ZNF438: variants seen among roughly 807,000 people sequenced by gnomAD.
The protein encoded by ZNF438 is zinc finger protein 438.
Under a neutral mutation model 38.0 loss-of-function variants are expected in ZNF438, and 25 were observed. The observed-to-expected ratio is 0.66, with a 90% CI of 0.48 to 0.92. The LOEUF (loss-of-function observed/expected upper bound fraction) is 0.92, where lower values mean the gene tolerates loss of function less well. Among genes scored for constraint, ZNF438 ranks in the 40% least tolerant of loss-of-function variants. The pLI is 0.00. For missense variants in ZNF438, 1,007 were observed against 999.6 expected, an observed-to-expected ratio of 1.01 and a Z score of -0.10; for synonymous variants, 372 against 364.1, an observed-to-expected ratio of 1.02 and a Z score of -0.25.
intron 1 of ZNF438, among the ~76,000 whole-genome samples, chr10:31,029,949 G>A (rs1461190367): frequency 6.6e-6 from 1 of 152,138 alleles, no homozygotes; most frequent in Non-Finnish European, 1.5e-5. Flanking sequence ...GACTGCCCAC[G>A]TTCAAATAGT....
intron 4 of ZNF438, among the ~76,000 whole-genome samples, chr10:30,866,098 CA>C (rs1469403764): frequency 6.6e-6 from 1 of 152,098 alleles, no homozygotes; most frequent in African/African-American, 2.4e-5. Context: ...AGTGGAACAA[CA>C]AAAAAGCAGT....
chr10:30,904,366 T>C (rs2042363140), intron 3 of ZNF438, among the ~76,000 whole-genome samples: 1 of 152,190 alleles, frequency 6.6e-6, no homozygotes. Flanking sequence ...CTATCTTGGC[T>C]TCCACCAAAT....
intron 3 of ZNF438, among the ~76,000 whole-genome samples, chr10:30,901,245 G>C (rs546512918): frequency 2.0e-5 from 3 of 152,244 alleles, no homozygotes; most frequent in African/African-American, 7.2e-5. Context: ...AACTCTTCAG[G>C]GATCATATGA....
intron 4 of ZNF438, among the ~76,000 whole-genome samples, chr10:30,866,353 CTT>C (rs1016824990): frequency 2.6e-4 from 40 of 152,188 alleles, no homozygotes; most frequent in African/African-American, 8.7e-4. Flanking sequence ...CATATTAAGA[CTT>C]GGGTATCTGG....
intron 1 of ZNF438, among the ~76,000 whole-genome samples, chr10:30,956,604 T>C (rs2048891208): frequency 6.6e-6 from 1 of 152,206 alleles, no homozygotes; most frequent in African/African-American, 2.4e-5. Flanking sequence ...TTCTACTTTC[T>C]ACTTCTATGA....
chr10:31,031,521 G>A (rs373347112), intron 1 of ZNF438, among the ~76,000 whole-genome samples: 1 of 152,034 alleles, frequency 6.6e-6, no homozygotes, highest in East Asian at 1.9e-4. Flanking sequence ...CCTTTATCAC[G>A]GAAGAAAAAA....
intron 1 of ZNF438, among the ~76,000 whole-genome samples, chr10:30,984,877 A>G (rs889485317): frequency 1.3e-5 from 2 of 152,178 alleles, no homozygotes; most frequent in African/African-American, 2.4e-5. Flanking sequence ...TTTGCCTGAG[A>G]CAGTCCCAAT....
At chr10:30,948,241 C>T (rs188117261) in intron 1 of ZNF438, among the ~76,000 whole-genome samples, 3 of 152,140 alleles carry the variant, frequency 2.0e-5, no homozygotes, top group African/African-American at 7.2e-5. Context: ...CCACCAAAAA[C>T]CCATCTGTAC....
At chr10:31,010,233 G>A (rs192684634) in intron 1 of ZNF438, among the ~76,000 whole-genome samples, 1 of 152,124 alleles carries the variant, frequency 6.6e-6, no homozygotes, top group African/African-American at 2.4e-5. Flanking sequence ...ATACTTATAT[G>A]TTTACCTTTA....
intron 2 of ZNF438, among the ~76,000 whole-genome samples, chr10:30,927,838 C>T (rs2135169882): frequency 6.6e-6 from 1 of 151,738 alleles, no homozygotes; most frequent in South Asian, 2.1e-4. Context: ...CCTTCCAGTT[C>T]TTTAATTCTA....
At chr10:30,924,734 G>GCT (rs2044714809) in intron 2 of ZNF438, among the ~76,000 whole-genome samples, 1 of 152,134 alleles carries the variant, frequency 6.6e-6, no homozygotes, top group Admixed American at 6.5e-5. Flanking sequence ...TCAAATCCCT[G>GCT]AAAGACAAGA....
chr10:30,996,663 A>G (rs1312844688), intron 1 of ZNF438, among the ~76,000 whole-genome samples: 4 of 151,994 alleles, frequency 2.6e-5, no homozygotes, highest in East Asian at 1.9e-4. Context: ...AAGAAAATCA[A>G]CAAGAATACA....
intron 4 of ZNF438, among the ~76,000 whole-genome samples, chr10:30,863,217 T>C (rs1487877249): frequency 6.6e-6 from 1 of 152,216 alleles, no homozygotes; most frequent in African/African-American, 2.4e-5. Flanking sequence ...GACTGTTCCT[T>C]ATTTCTTTAA....
At chr10:30,927,211 T>A (rs996333454) in intron 2 of ZNF438, among the ~76,000 whole-genome samples, 10 of 152,228 alleles carry the variant, frequency 6.6e-5, no homozygotes, top group Non-Finnish European at 1.2e-4. Flanking sequence ...AAAAGCCATC[T>A]CAGTTTTGGA....
At chr10:30,871,919 C>T (rs1023193671) in intron 4 of ZNF438, among the ~76,000 whole-genome samples, 26 of 152,216 alleles carry the variant, frequency 1.7e-4, no homozygotes, top group Non-Finnish European at 3.4e-4. Context: ...CTCTCCACCC[C>T]GACTTCTTAC....
intron 1 of ZNF438, among the ~76,000 whole-genome samples, chr10:31,019,223 T>G (rs1326106459): frequency 6.6e-6 from 1 of 152,152 alleles, no homozygotes; most frequent in Non-Finnish European, 1.5e-5. Flanking sequence ...TCACTTAGCA[T>G]AAAAACCAAA....
At chr10:31,030,576 G>T (rs771211269) in intron 1 of ZNF438, among the ~76,000 whole-genome samples, 68 of 152,326 alleles carry the variant, frequency 4.5e-4, no homozygotes, top group African/African-American at 1.1e-3. Flanking sequence ...CCAAGTTTGC[G>T]TGACTTGTCC....
intron 1 of ZNF438, among the ~76,000 whole-genome samples, chr10:30,996,320 T>A (rs2054044264): frequency 6.6e-6 from 1 of 152,016 alleles, no homozygotes; most frequent in Non-Finnish European, 1.5e-5. Flanking sequence ...TGTATTTTTA[T>A]AAAAGAAAAA....
At chr10:30,869,405 A>AAGAAG (rs60715666) in intron 4 of ZNF438, among the ~76,000 whole-genome samples, 6 of 150,482 alleles carry the variant, frequency 4.0e-5, no homozygotes, top group African/African-American at 1.5e-4. Flanking sequence ...AAGAAAAGAA[A>AAGAAG]GAGGAAAGAA....
Sources: allele counts gnomAD v4.1 joint callset (sites outside exome capture counted in the v4.1 genomes callset), GRCh38; gene constraint gnomAD v4.1.1; transcripts MANE v1.5; gene names NCBI Gene and HGNC (gene_info 2026-07-23, HGNC 2026-07-21).